Variants in DNAH12 observed in about 807,000 individuals in gnomAD.
The protein encoded by DNAH12 is axonemal beta dynein heavy chain 12.
Under a neutral mutation model 371.5 loss-of-function variants are expected in DNAH12, and 285 were observed. The ratio of observed to expected loss-of-function variants is 0.77; its 90% CI spans 0.70 to 0.85. The LOEUF (loss-of-function observed/expected upper bound fraction) is 0.85. DNAH12 is among the 40% of genes least tolerant of loss of function. DNAH12 has a pLI of 0.00. For missense variants in DNAH12, 3,611 were observed against 3,689.4 expected (o/e 0.98, Z 0.55); for synonymous variants, 1,200 against 1,213.0 (o/e 0.99, Z 0.22).
chr3:57,523,611 T>C lies in DNAH12; in HGVS notation c.253-2A>G, dbSNP rs1039469176. The C allele has an allele frequency of 6.3e-6, 10 of 1,575,330 alleles. No homozygotes were observed. The highest frequency in any genetic ancestry group is 7.7e-6 in the Non-Finnish European group (9 of 1,162,192). ...TTTTTTTTTCATTTCACTGGTCATC[T>C]GTCAAAAACAAACAGGATATAATTA... On this transcript the variant is annotated splice_acceptor_variant, in intron 3 of 73. Transcript: ENST00000495027. LOFTEE classifies it high-confidence loss of function.
At chr3:57,444,612 T>TC in intron 29 of DNAH12, 85 bp downstream of exon 29, 1 of 1,511,584 alleles carries the variant, frequency 6.6e-7, no homozygotes, top group Non-Finnish European at 8.9e-7. Flanking sequence ...CAGAATAATT[T>TC]CACACATTAA....
At chr3:57,538,659 G>A (rs1020845461) in intron 2 of DNAH12, among the ~76,000 whole-genome samples, 97 of 152,118 alleles carry the variant, frequency 6.4e-4, no homozygotes, top group Admixed American at 2.0e-4. Context: ...ACTTTTCTCC[G>A]CACATCTAAC....
chr3:57,338,734 C>T (rs1337738575), intron 60 of DNAH12, among the ~76,000 whole-genome samples: 3 of 150,248 alleles, frequency 2.0e-5, no homozygotes, highest in African/African-American at 7.4e-5. Flanking sequence ...AGCGCCTCTG[C>T]CCGGCCACCC....
At chr3:57,547,049 G>A (rs1219696816), upstream of DNAH12, among the ~76,000 whole-genome samples, 1 of 151,954 alleles carries the variant, frequency 6.6e-6, no homozygotes, top group Non-Finnish European at 1.5e-5. Flanking sequence ...ACTCCAAACA[G>A]CAGCTGGGTC....
At chr3:57,469,441 A>G (rs1223764336) in intron 16 of DNAH12, among the ~76,000 whole-genome samples, 1 of 152,192 alleles carries the variant, frequency 6.6e-6, no homozygotes, top group African/African-American at 2.4e-5. Context: ...CAAAGAATTT[A>G]AAACAGAACT....
At position 57,428,751 on chromosome 3, in the gene DNAH12, G is replaced by GAC. The variant is rs1198939194; in HGVS notation, c.5133_5134dup (p.Ser1712CysfsTer5). On this transcript the variant is annotated frameshift_variant, in exon 34 of 74. Transcript: ENST00000495027. LOFTEE classifies it high-confidence loss of function. Reference sequence around the variant, plus strand: ...TCCTTTCAGTGAATTCAACCAAGAAGACACAAGTGGTTCCCATCCTAACTG... The same window carrying GAC: ...TCCTTTCAGTGAATTCAACCAAGAAGACACACAAGTGGTTCCCATCCTAACTG... 1 of 1,551,366 alleles carries GAC rather than the reference G, an allele frequency of 6.4e-7. No individual in the cohort carries two copies. The highest frequency in any genetic ancestry group is 1.4e-5 in the African/African-American group (1 of 73,046).
chr3:57,322,507 A>G lies in DNAH12; in HGVS notation c.10384-24T>C, dbSNP rs367684897. Reference sequence around the variant, plus strand: ...AACTAAGACAAAATAAATGGAGAGCATTATACAAGATAGCAAGTGGAGGCT... The same window carrying G: ...AACTAAGACAAAATAAATGGAGAGCGTTATACAAGATAGCAAGTGGAGGCT... On this transcript the variant is annotated intron_variant, in intron 64 of 73. Coordinates refer to ENST00000495027, the MANE Select transcript of DNAH12 (RefSeq NM_001366028.2). The G allele has an allele frequency of 1.3e-4, 198 of 1,540,772 alleles. 1 individual carries two copies. Among genetic ancestry groups the G allele is most frequent in the Middle Eastern group, 5.0e-4 (3 of 5,960 alleles).
chr3:57,483,299 T>C, intron 13 of DNAH12, 77 bp downstream of exon 13: 1 of 1,484,998 alleles, frequency 6.7e-7, no homozygotes, highest in Non-Finnish European at 9.0e-7. Context: ...TGTAACTATA[T>C]ATTTTATACA....
intron 45 of DNAH12, among the ~76,000 whole-genome samples, chr3:57,388,075 A>C (rs903925624): frequency 5.3e-5 from 8 of 152,184 alleles, no homozygotes; most frequent in African/African-American, 1.9e-4. Flanking sequence ...CTTCCTAGCC[A>C]GTCCTCTCCA....
At chr3:57,363,437 A>T (rs2062982587) in intron 58 of DNAH12, among the ~76,000 whole-genome samples, 157 bp downstream of exon 58, 1 of 152,140 alleles carries the variant, frequency 6.6e-6, no homozygotes, top group Admixed American at 6.6e-5. Context: ...TTCTCTTATG[A>T]GTTTAAATTT....
rs562078408 is a variant in DNAH12, at chr3:57,444,744, T to G, written c.4498A>C (p.Thr1500Pro). ...SHDIPLFNGI[T>P]SDLFPGIKLP... ...TTAATACCAGGAAATAAGTCACTAGTTATTCCATTAAATAAAGGTATATCA... is the reference window on the plus strand; with the variant it reads ...TTAATACCAGGAAATAAGTCACTAGGTATTCCATTAAATAAAGGTATATCA... The change falls in exon 29 of 74, where the codon ACT becomes CCT. Residue 1500 changes from threonine (T) to proline (P), a missense_variant. Around this residue, in one of 3 missense-constraint regions of DNAH12, gnomAD observed 2,266 missense variants for 2,236.9 expected, o/e 1.01. Coordinates refer to ENST00000495027, the MANE Select transcript of DNAH12 (RefSeq NM_001366028.2). The G allele has an allele frequency of 6.5e-7, 1 of 1,550,286 alleles. No individual in the cohort carries two copies. The highest frequency in any genetic ancestry group is 8.7e-7 in the Non-Finnish European group (1 of 1,146,406).
Position 57,296,977 on chromosome 3 carries a change from T to C in DNAH12, c.11402A>G (p.Tyr3801Cys). The change falls in exon 71 of 74, where the codon TAT (tyrosine) becomes TGT (cysteine). Residue 3801 changes from tyrosine (Y) to cysteine (C), a missense_variant. By Grantham distance (194) the Tyr-to-Cys change is radical (BLOSUM62 -2). Transcript: ENST00000495027. ...AAACACACAAGGTTTTCCTGAATTATACCAGTCCTACAAAGGGAAAACAAA... is the reference window on the plus strand; with the variant it reads ...AAACACACAAGGTTTTCCTGAATTACACCAGTCCTACAAAGGGAAAACAAA... ...LARLNFLQDW[Y>C]NSGKPCVFWL... 2 of 1,551,566 alleles carry C rather than the reference T, an allele frequency of 1.3e-6. No individual in the cohort carries two copies. The highest frequency in any genetic ancestry group is 1.7e-6 in the Non-Finnish European group (2 of 1,146,960).
Position 57,403,491 on chromosome 3 carries a change from C to A in DNAH12, c.6766G>T (p.Glu2256Ter). 1.3e-6 allele frequency: 2 copies of A among 1,542,590 alleles called. No homozygotes were observed. The highest frequency in any genetic ancestry group is 1.7e-6 in the Non-Finnish European group (2 of 1,143,520). The stretch of plus-strand genomic sequence containing the variant: ...ACTCGACATATTCTTGATAAATGTT[C>A]CAAAACATACCTACCACAAAAGAAA... ...MNLVIFRYVL[E>*]HLSRICRVLK... is the part of the protein sequence containing the mutation. The change falls in exon 43 of 74, where the codon GAA becomes TAA. Residue 2256 changes from glutamate (E) to a stop codon, truncating the protein, a stop_gained. Transcript: ENST00000495027. LOFTEE classifies it high-confidence loss of function.
chr3:57,440,980 A>G (rs1184715166), intron 29 of DNAH12, among the ~76,000 whole-genome samples: 1 of 152,140 alleles, frequency 6.6e-6, no homozygotes, highest in Non-Finnish European at 1.5e-5. Flanking sequence ...ACAGAGCAAG[A>G]CCCTAACTCT....
intron 60 of DNAH12, among the ~76,000 whole-genome samples, chr3:57,343,624 C>T (rs909421490): frequency 6.6e-6 from 1 of 152,088 alleles, no homozygotes; most frequent in Admixed American, 6.5e-5. Context: ...TCCCCCAGCC[C>T]GACACCTGTA....
At chr3:57,375,773 CT>C (rs1407952158) in intron 54 of DNAH12, 44 bp downstream of exon 54, 1 of 152,142 alleles carries the variant, frequency 6.6e-6, no homozygotes, top group Non-Finnish European at 1.5e-5. Context: ...CCAAAACATA[CT>C]TTGGATGTTC....
In DNAH12 at chr3:57,334,667, G is replaced by A. The variant is rs914448102; in HGVS notation, c.9834-58C>T. 8 of 1,512,084 alleles carry A rather than the reference G, an allele frequency of 5.3e-6. No individual in the cohort carries two copies. In the East Asian group the frequency reaches 2.0e-4, roughly 37 times the overall value. The allele number at this position is 1,512,084 out of a possible 1,614,324, so 93.7% of individuals were successfully genotyped here. ...TATTGGGAAAAACTTAAAAGAGATT[G>A]TTGAACAAGGAGTAGAAACCAGACA... On this transcript the variant is annotated intron_variant, in intron 61 of 73. Coordinates refer to ENST00000495027, the MANE Select transcript of DNAH12 (RefSeq NM_001366028.2).
intron 65 of DNAH12, among the ~76,000 whole-genome samples, chr3:57,316,572 A>G (rs2061689966): frequency 2.0e-5 from 3 of 151,998 alleles, no homozygotes; most frequent in Admixed American, 2.0e-4. Context: ...TGTACGACTG[A>G]TATCGTTTGG....
At chr3:57,319,103 CTAAG>C (rs1345537369) in intron 65 of DNAH12, among the ~76,000 whole-genome samples, 1 of 151,866 alleles carries the variant, frequency 6.6e-6, no homozygotes, top group Non-Finnish European at 1.5e-5. Flanking sequence ...GAATTTATTC[CTAAG>C]TATTTTATTG....
Sources: allele counts gnomAD v4.1 joint callset (sites outside exome capture counted in the v4.1 genomes callset), GRCh38; gene constraint gnomAD v4.1.1; regional missense constraint gnomAD v4.1.1; transcripts MANE v1.5; gene names NCBI Gene and HGNC (gene_info 2026-07-23, HGNC 2026-07-21).